The following SAMD13 variants were observed in gnomAD, a reference collection of about 807,000 sequenced individuals.
The protein encoded by SAMD13 is sterile alpha motif domain-containing protein 13.
A neutral mutation model predicts 12.4 loss-of-function variants in SAMD13; 9 were observed. The ratio of observed to expected loss-of-function variants is 0.72; its 90% confidence interval spans 0.44 to 1.26. SAMD13 has a LOEUF of 1.26. SAMD13 is among the 50% of genes most tolerant of loss of function. The probability of loss-of-function intolerance (pLI) is 0.00; values close to 1 mark genes in which losing one functional copy is unlikely to be tolerated. For missense variants in SAMD13, 84 were observed against 119.6 expected (o/e 0.70, Z 1.39); for synonymous variants, 46 against 45.4 (o/e 1.01, Z -0.05).
intron 3 of SAMD13, among the ~76,000 whole-genome samples, chr1:84,349,043 T>TA (rs1437735649): frequency 6.6e-6 from 1 of 152,144 alleles, no homozygotes. Context: ...TCGGACCATC[T>TA]AAAAAACATA....
intron 3 of SAMD13, among the ~76,000 whole-genome samples, chr1:84,342,085 T>C (rs938568287): frequency 2.2e-4 from 34 of 152,262 alleles, no homozygotes; most frequent in African/African-American, 7.7e-4. Flanking sequence ...ATAAGAAGAC[T>C]GTGCAGGTAG....
At chr1:84,347,033 T>A (rs1156521741) in intron 3 of SAMD13, among the ~76,000 whole-genome samples, 2 of 152,192 alleles carry the variant, frequency 1.3e-5, no homozygotes, top group Non-Finnish European at 2.9e-5. Flanking sequence ...CATCCAGCAT[T>A]TCTAATCCCT....
intron 2 of SAMD13, among the ~76,000 whole-genome samples, chr1:84,324,074 A>G (rs746738443): frequency 2.0e-5 from 3 of 151,844 alleles, no homozygotes; most frequent in Admixed American, 1.3e-4. Context: ...TTATTCATTA[A>G]CTCTCTTTTA....
intron 2 of SAMD13, among the ~76,000 whole-genome samples, chr1:84,317,458 C>T (rs187652719): frequency 7.9e-5 from 12 of 151,794 alleles, no homozygotes; most frequent in East Asian, 1.9e-4. Context: ...TTATCTTAGA[C>T]GATCGTGTGA....
chr1:84,325,172 T>C (rs976093042), intron 2 of SAMD13, among the ~76,000 whole-genome samples: 1 of 151,932 alleles, frequency 6.6e-6, no homozygotes, highest in Non-Finnish European at 1.5e-5. Flanking sequence ...TTGGTAGAAA[T>C]GGTAGAGTTT....
intron 2 of SAMD13, among the ~76,000 whole-genome samples, chr1:84,317,527 AC>A (rs1160548981): frequency 2.0e-5 from 3 of 151,914 alleles, no homozygotes; most frequent in African/African-American, 7.2e-5. Flanking sequence ...CATATGTTGA[AC>A]CGTCCTAGGA....
chr1:84,331,430 G>C (rs896260743), intron 3 of SAMD13, among the ~76,000 whole-genome samples: 3 of 146,308 alleles, frequency 2.1e-5, no homozygotes, highest in African/African-American at 7.5e-5. Flanking sequence ...CTTTGAATTA[G>C]ACCAATTAAA....
rs758690407 is a variant in SAMD13 at position 84,349,593 on chromosome 1, G to T, written c.166-38G>T. ...TGTCTTCATTATCCTTGAGCTTTTG[G>T]ACTCACATGTTGGCTTTACCTTCTG... On this transcript the variant is annotated intron_variant, in intron 3 of 3. Transcript: ENST00000394834. 4.4e-6 allele frequency: 7 copies of T among 1,592,598 alleles called. No homozygotes were observed. The South Asian group carries it at 5.7e-5, about 13-fold the overall frequency.
At chr1:84,299,674 T>C, upstream of SAMD13, 2 of 848,328 alleles carry the variant, frequency 2.4e-6, no homozygotes, top group Non-Finnish European at 1.6e-6. Context: ...TATATATATA[T>C]ATTTATTTAT....
chr1:84,325,842 G>T, intron 3 of SAMD13, 94 bp downstream of exon 3: 1 of 734,472 alleles, frequency 1.4e-6, no homozygotes, highest in Admixed American at 2.1e-5. Flanking sequence ...AGGAGGAAGA[G>T]GACCAAAGAG....
intron 2 of SAMD13, among the ~76,000 whole-genome samples, chr1:84,321,040 A>G (rs1269882317): frequency 1.3e-5 from 2 of 152,160 alleles, no homozygotes; most frequent in Non-Finnish European, 2.9e-5. Flanking sequence ...TTTTGCTGCC[A>G]GAACTTAAAA....
chr1:84,315,849 G>T (rs1382024488), intron 2 of SAMD13, among the ~76,000 whole-genome samples: 1 of 152,010 alleles, frequency 6.6e-6, no homozygotes, highest in Non-Finnish European at 1.5e-5. Context: ...GTATACAAAG[G>T]TTATGATTTA....
intron 2 of SAMD13, among the ~76,000 whole-genome samples, chr1:84,318,056 T>C (rs1009902696): frequency 6.6e-6 from 1 of 152,126 alleles, no homozygotes; most frequent in South Asian, 2.1e-4. Flanking sequence ...TTTTATTTAT[T>C]TGAGTCTTCA....
At chr1:84,324,211 T>A (rs1253712058) in intron 2 of SAMD13, among the ~76,000 whole-genome samples, 1 of 152,148 alleles carries the variant, frequency 6.6e-6, no homozygotes, top group African/African-American at 2.4e-5. Context: ...ATCCTCTTTT[T>A]CAAAATGTGA....
chr1:84,337,610 A>T (rs1222782392), intron 3 of SAMD13, among the ~76,000 whole-genome samples: 2 of 152,136 alleles, frequency 1.3e-5, no homozygotes, highest in Non-Finnish European at 2.9e-5. Context: ...CCCTCCTGTG[A>T]TGGCAGGAGC....
At chr1:84,325,611 C>A in intron 2 of SAMD13, 26 bp from the exon 3 acceptor site, 1 of 1,410,152 alleles carries the variant, frequency 7.1e-7, no homozygotes, top group Non-Finnish European at 1.0e-6. Context: ...ACTGCCATGA[C>A]AACTGTCTGG....
At chr1:84,303,105 G>A in intron 1 of SAMD13, 98 bp from the exon 2 acceptor site, 2 of 849,656 alleles carry the variant, frequency 2.4e-6, no homozygotes. Flanking sequence ...GAACTGGTGT[G>A]AAGCTGTAAA....
chr1:84,342,053 TA>T (rs1306546402), intron 3 of SAMD13, among the ~76,000 whole-genome samples: 1 of 152,164 alleles, frequency 6.6e-6, no homozygotes, highest in African/African-American at 2.4e-5. Flanking sequence ...GGCATTGACA[TA>T]AGTTAGCATA....
upstream of SAMD13, chr1:84,299,574 A>G (rs1393951358): frequency 6.7e-7 from 1 of 1,497,202 alleles, no homozygotes; most frequent in East Asian, 2.5e-5. Flanking sequence ...CACATACTTT[A>G]TGCTACATAC....
Sources: gnomAD v4.1 joint callset for allele counts (sites outside exome capture counted in the v4.1 genomes callset) on GRCh38, gnomAD v4.1.1 for gene constraint, MANE v1.5 for transcripts, NCBI Gene and HGNC (gene_info 2026-07-23, HGNC 2026-07-21) for gene names.